ZNF385D: variants seen among roughly 807,000 people sequenced by gnomAD.
ZNF385D encodes zinc finger protein 385D.
A neutral mutation model predicts 35.8 loss-of-function variants in ZNF385D; 15 were observed. The ratio of observed to expected loss-of-function variants is 0.42; its 90% CI spans 0.28 to 0.64. The LOEUF (loss-of-function observed/expected upper bound fraction) is 0.64. Ranked by LOEUF, ZNF385D falls within the 30% of genes least tolerant of loss-of-function variation. The pLI, the probability that ZNF385D is intolerant of heterozygous loss-of-function variation, is 0.23. For synonymous variants in ZNF385D, 212 were observed against 186.8 expected, an observed-to-expected ratio of 1.13 and a Z score of -1.10; for missense variants, 474 against 494.6, an observed-to-expected ratio of 0.96 and a Z score of 0.39.
At chr3:21,891,415 C>G (rs919891174) in intron 3 of ZNF385D, among the ~76,000 whole-genome samples, 1 of 152,130 alleles carries the variant, frequency 6.6e-6, no homozygotes, top group African/African-American at 2.4e-5. Flanking sequence ...CCATCCTGAC[C>G]ACACCATTCA....
rs551326756 is a variant in ZNF385D at position 22,170,104 on chromosome 3, A to C, written c.107-1069T>G. 2.0e-5 allele frequency among the ~76,000 whole-genome samples: 3 copies of C among 152,320 alleles called. No individual in the cohort carries two copies. The East Asian group carries it at 5.8e-4, about 29-fold the overall frequency. ...TCTAGCACACTATGGTCCAGATAGG[A>C]GTTCTCCATTCCAATTCTCCCAGTT... On this transcript the variant is annotated intron_variant, in intron 2 of 5. Transcript: ENST00000494108.
chr3:21,576,187 C>T (rs1159802877), intron 2 of ZNF385D, among the ~76,000 whole-genome samples: 2 of 152,108 alleles, frequency 1.3e-5, no homozygotes, highest in South Asian at 4.1e-4. Context: ...ATTTTTGCAC[C>T]AGGGCATCTT....
intron 2 of ZNF385D, among the ~76,000 whole-genome samples, chr3:22,232,278 A>T (rs992895931): frequency 2.0e-5 from 3 of 151,722 alleles, no homozygotes; most frequent in Admixed American, 2.0e-4. Flanking sequence ...GGAAGTCATC[A>T]GCTGATTCTA....
At chr3:21,949,317 C>T (rs1701942053) in intron 3 of ZNF385D, among the ~76,000 whole-genome samples, 2 of 152,154 alleles carry the variant, frequency 1.3e-5, no homozygotes, top group South Asian at 2.1e-4. Flanking sequence ...TGTGTGCACA[C>T]ATTAGAAATG....
At chr3:21,929,805 C>A (rs1351102595) in intron 3 of ZNF385D, among the ~76,000 whole-genome samples, 1 of 151,776 alleles carries the variant, frequency 6.6e-6, no homozygotes, top group Non-Finnish European at 1.5e-5. Context: ...AATTAAAGAT[C>A]TAAATAAATA....
chr3:21,873,479 T>C lies in ZNF385D; in HGVS notation c.326-208451A>G, dbSNP rs146312842. Among the ~76,000 whole-genome samples the C allele has an allele frequency of 1.6e-4, 25 of 152,278 alleles. No homozygotes were observed. In the East Asian group the frequency reaches 4.6e-3, roughly 28 times the overall value. ...TTATTGCCATATTTTCTCTTTCTTATTGTGGTAAAAACACATAACTTGATA... is the reference window on the plus strand; with the variant it reads ...TTATTGCCATATTTTCTCTTTCTTACTGTGGTAAAAACACATAACTTGATA... On this transcript the variant is annotated intron_variant, in intron 3 of 5. Transcript: ENST00000494108.
At chr3:22,017,958 G>C (rs1327438833) in intron 3 of ZNF385D, among the ~76,000 whole-genome samples, 5 of 151,756 alleles carry the variant, frequency 3.3e-5, no homozygotes. Context: ...GAAGTTCTAT[G>C]TATAGAAAAG....
chr3:22,093,828 A>T (rs540433962), intron 3 of ZNF385D, among the ~76,000 whole-genome samples: 1 of 152,260 alleles, frequency 6.6e-6, no homozygotes, highest in South Asian at 2.1e-4. Flanking sequence ...CAAGTTTTGT[A>T]CTAAGATTTA....
At chr3:21,977,509 T>A (rs762096134) in intron 3 of ZNF385D, among the ~76,000 whole-genome samples, 1 of 152,024 alleles carries the variant, frequency 6.6e-6, no homozygotes, top group African/African-American at 2.4e-5. Flanking sequence ...GGAACTGTGT[T>A]TGCAGGTCTA....
intron 3 of ZNF385D, among the ~76,000 whole-genome samples, chr3:21,883,128 T>G (rs1698363448): frequency 1.3e-5 from 2 of 151,940 alleles, no homozygotes; most frequent in African/African-American, 2.4e-5. Flanking sequence ...TTAGTTTGTA[T>G]GCAGATAAGA....
intron 3 of ZNF385D, among the ~76,000 whole-genome samples, chr3:22,095,603 C>A (rs1364406314): frequency 1.3e-5 from 2 of 151,994 alleles, no homozygotes; most frequent in African/African-American, 4.8e-5. Context: ...CCTACTGTAA[C>A]TAGTTTTTCT....
chr3:21,964,470 ATTTTTTTTTTTTTTTTTTTT>A (rs377650103), intron 3 of ZNF385D, among the ~76,000 whole-genome samples: 19 of 68,160 alleles, frequency 2.8e-4, no homozygotes, highest in Middle Eastern at 0.021. Flanking sequence ...AATTTCTCAG[ATTTTTTTTTTTTTTTTTTTT>A]TTTTTTTTTT....
intron 4 of ZNF385D, among the ~76,000 whole-genome samples, chr3:21,444,387 GTTTTTT>G (rs137978112): frequency 4.5e-5 from 6 of 133,852 alleles, no homozygotes; most frequent in African/African-American, 1.4e-4. Context: ...GCCTTTTTTT[GTTTTTT>G]TTTTTTTTTG....
intron 6 of ZNF385D, among the ~76,000 whole-genome samples, chr3:21,424,317 A>ATAT (rs1221923155): frequency 0.012 from 744 of 63,204 alleles, 10 homozygotes; most frequent in East Asian, 0.031. Flanking sequence ...ATATATATAT[A>ATAT]TTTTTTTTTT....
At chr3:22,039,068 C>G (rs898108798) in intron 3 of ZNF385D, among the ~76,000 whole-genome samples, 2 of 151,310 alleles carry the variant, frequency 1.3e-5, no homozygotes, top group Non-Finnish European at 2.9e-5. Context: ...GTAATGTTAG[C>G]AAAATAATTA....
At chr3:21,818,404 T>A (rs2073249130) in intron 3 of ZNF385D, among the ~76,000 whole-genome samples, 1 of 152,156 alleles carries the variant, frequency 6.6e-6, no homozygotes, top group Non-Finnish European at 1.5e-5. Context: ...ATTTAAATAA[T>A]CAATGGAAAA....
intron 3 of ZNF385D, among the ~76,000 whole-genome samples, chr3:22,029,735 T>G (rs553959985): frequency 6.6e-6 from 1 of 152,298 alleles, no homozygotes; most frequent in South Asian, 2.1e-4. Flanking sequence ...GTATTTGGGT[T>G]GGGGATTGGT....
intron 2 of ZNF385D, among the ~76,000 whole-genome samples, chr3:22,335,090 T>C (rs1368625742): frequency 6.6e-6 from 1 of 152,160 alleles, no homozygotes; most frequent in Non-Finnish European, 1.5e-5. Flanking sequence ...CATTGAGTAT[T>C]ATATTTTATA....
chr3:22,035,952 G>C (rs1698289791), intron 3 of ZNF385D, among the ~76,000 whole-genome samples: 1 of 151,820 alleles, frequency 6.6e-6, no homozygotes, highest in Non-Finnish European at 1.5e-5. Context: ...CAAGATAAAA[G>C]ACATAGTTAA....
Sources: gnomAD v4.1 joint callset for allele counts (sites outside exome capture counted in the v4.1 genomes callset) on GRCh38, gnomAD v4.1.1 for gene constraint, MANE v1.5 for transcripts, NCBI Gene and HGNC (gene_info 2026-07-23, HGNC 2026-07-21) for gene names.